Variants in PCDH7 observed in about 807,000 individuals in gnomAD.
PCDH7 encodes the protein protocadherin-7.
Under a neutral mutation model 58.9 loss-of-function variants are expected in PCDH7, and 17 were observed. That is an observed-to-expected ratio of 0.29 (90% CI 0.20 to 0.43). The LOEUF (loss-of-function observed/expected upper bound fraction) is 0.43. Among genes scored for constraint, PCDH7 ranks in the 20% least tolerant of loss-of-function variants. PCDH7 has a pLI of 1.00. For synonymous variants in PCDH7, 664 were observed against 616.4 expected, an observed-to-expected ratio of 1.08 and a Z score of -1.14; for missense variants, 1,274 against 1,441.0, an observed-to-expected ratio of 0.88 and a Z score of 1.88.
chr4:30,721,432 A>T lies in PCDH7; in HGVS notation c.10A>T (p.Met4Leu). The change falls in exon 1 of 2, where the codon ATG (methionine) becomes TTG (leucine). Residue 4 changes from methionine to leucine, a missense_variant. Coordinates refer to ENST00000361762, the Ensembl canonical transcript of PCDH7. The surrounding 1 kb of genome is among the most constrained non-coding windows in gnomAD (Gnocchi z 6.7). ...GCAGCAGCAGGAGAAGATGCTGAGG[A>T]TGCGGACCGCGGGATGGGCGCGCGG... is the stretch of plus-strand genomic sequence containing the variant. 2 of 1,516,436 alleles carry T rather than the reference A, an allele frequency of 1.3e-6. No individual in the cohort carries two copies. The highest frequency in any genetic ancestry group is 4.7e-5 in the East Asian group (2 of 42,422). The allele number at this position is 1,516,436 out of a possible 1,614,324, so 93.9% of individuals were successfully genotyped here. A position where few individuals can be genotyped will look rare whatever the true frequency, so the allele number is the denominator to read the frequency against.
At chr4:30,781,022 C>T (rs1044886116) in intron 1 of PCDH7, among the ~76,000 whole-genome samples, 1 of 151,988 alleles carries the variant, frequency 6.6e-6, no homozygotes, top group Non-Finnish European at 1.5e-5. Flanking sequence ...ATAGTTTTAC[C>T]ATTTCAAAAG....
intron 3 of PCDH7, among the ~76,000 whole-genome samples, chr4:31,114,133 C>A (rs892108131): frequency 6.6e-6 from 1 of 151,990 alleles, no homozygotes; most frequent in Non-Finnish European, 1.5e-5. Context: ...TGCAGCCGGC[C>A]TAAAATTTAA....
In PCDH7 at chr4:30,813,207, C is replaced by G. The variant is rs150668937; in HGVS notation, c.70+88611C>G. ...TATTGCAATCTATGTTTACTAAATA[C>G]GGAGATAGATCTATTAGCTTTTAAA... is the stretch of plus-strand genomic sequence containing the variant. On this transcript the variant is annotated intron_variant, in intron 1 of 3. Transcript: ENST00000509759. Among the ~76,000 whole-genome samples the G allele has an allele frequency of 1.1e-3, 172 of 152,270 alleles. 1 individual carries two copies. Among genetic ancestry groups the G allele is most frequent in the African/African-American group, 3.9e-3 (163 of 41,546 alleles).
intron 3 of PCDH7, among the ~76,000 whole-genome samples, chr4:31,120,210 C>G (rs927291262): frequency 6.6e-6 from 1 of 151,898 alleles, no homozygotes; most frequent in African/African-American, 2.4e-5. Context: ...TTTATTTTTT[C>G]CTTCCTGTTT....
At chr4:31,115,539 G>T (rs561413584) in intron 3 of PCDH7, among the ~76,000 whole-genome samples, 1 of 151,900 alleles carries the variant, frequency 6.6e-6, no homozygotes, top group Non-Finnish European at 1.5e-5. Context: ...AGTTTCTCAC[G>T]TATGTATATT....
Position 30,919,927 on chromosome 4 carries a change from T to TA in PCDH7, c.71-225dup, listed in dbSNP as rs1742966871. ...TGTTTTAGTGAAATTACTGTTTTTTTATCTCTGTTTCTGAAAGGGAATTTC... is the reference window on the plus strand; with the variant it reads ...TGTTTTAGTGAAATTACTGTTTTTTTAATCTCTGTTTCTGAAAGGGAATTTC... On this transcript the variant is annotated intron_variant, in intron 1 of 3. Transcript: ENST00000509759. Among the ~76,000 whole-genome samples, 5 of 152,196 alleles carry TA rather than the reference T, an allele frequency of 3.3e-5. No individual in the cohort carries two copies. The South Asian group carries it at 1.0e-3, about 31-fold the overall frequency.
intron 1 of PCDH7, among the ~76,000 whole-genome samples, chr4:30,785,027 A>G (rs577679903): frequency 6.6e-6 from 1 of 152,034 alleles, no homozygotes; most frequent in Non-Finnish European, 1.5e-5. Flanking sequence ...GCAACCAAAC[A>G]TGTACCAAAA....
intron 1 of PCDH7, among the ~76,000 whole-genome samples, chr4:30,894,910 G>A (rs948492581): frequency 9.9e-5 from 15 of 151,380 alleles, no homozygotes; most frequent in Non-Finnish European, 2.1e-4. Flanking sequence ...TGAGAAATAA[G>A]CAACATATGC....
intron 1 of PCDH7, among the ~76,000 whole-genome samples, chr4:30,840,554 TGTG>T (rs1731075343): frequency 6.6e-6 from 1 of 152,162 alleles, no homozygotes; most frequent in Admixed American, 6.6e-5. Context: ...TTATGATAGT[TGTG>T]GGGGTAGATA....
chr4:30,932,332 G>T (rs1215543636), intron 2 of PCDH7, among the ~76,000 whole-genome samples: 1 of 152,102 alleles, frequency 6.6e-6, no homozygotes, highest in Non-Finnish European at 1.5e-5. Context: ...TTCCAAATAT[G>T]TTGTATGCAA....
chr4:30,898,669 C>T (rs1739768251), intron 1 of PCDH7, among the ~76,000 whole-genome samples: 1 of 152,188 alleles, frequency 6.6e-6, no homozygotes, highest in Admixed American at 6.5e-5. Context: ...AAGCTCACTG[C>T]AAGCTCCACC....
At chr4:31,071,903 A>G (rs553760105) in intron 3 of PCDH7, among the ~76,000 whole-genome samples, 2 of 152,074 alleles carry the variant, frequency 1.3e-5, no homozygotes, top group Non-Finnish European at 2.9e-5. Flanking sequence ...GGTGGTGAGA[A>G]CACTATTTAG....
intron 2 of PCDH7, among the ~76,000 whole-genome samples, chr4:30,944,340 G>T (rs1311151801): frequency 6.6e-6 from 1 of 151,790 alleles, no homozygotes; most frequent in African/African-American, 2.4e-5. Context: ...ATTTTTGTCA[G>T]CATATAATGA....
chr4:30,872,963 T>G (rs1225080273), intron 1 of PCDH7, among the ~76,000 whole-genome samples: 1 of 152,122 alleles, frequency 6.6e-6, no homozygotes, highest in Non-Finnish European at 1.5e-5. Context: ...CTAGTCACAT[T>G]GACCATTATT....
intron 1 of PCDH7, among the ~76,000 whole-genome samples, chr4:30,889,790 A>G (rs553914956): frequency 3.9e-5 from 6 of 152,226 alleles, no homozygotes; most frequent in East Asian, 1.9e-4. Flanking sequence ...TCATCTCCCA[A>G]TGGTTCCATC....
At chr4:30,809,235 A>C (rs977056598) in intron 1 of PCDH7, among the ~76,000 whole-genome samples, 6 of 152,228 alleles carry the variant, frequency 3.9e-5, no homozygotes, top group African/African-American at 1.4e-4. Context: ...GAAAACTCAT[A>C]ATCAATCATC....
intron 3 of PCDH7, among the ~76,000 whole-genome samples, chr4:30,963,929 C>T (rs1461462430): frequency 6.6e-6 from 1 of 152,160 alleles, no homozygotes; most frequent in East Asian, 1.9e-4. Context: ...CATTCCGGGA[C>T]AATTTCTACA....
At chr4:30,870,502 C>A (rs937063738) in intron 1 of PCDH7, among the ~76,000 whole-genome samples, 6 of 152,068 alleles carry the variant, frequency 3.9e-5, no homozygotes, top group African/African-American at 1.4e-4. Context: ...TAGAATGTCT[C>A]ATTTGGAAAT....
chr4:30,993,115 G>A (rs2109126503), intron 3 of PCDH7, among the ~76,000 whole-genome samples: 1 of 152,140 alleles, frequency 6.6e-6, no homozygotes, highest in East Asian at 1.9e-4. Context: ...ATTCGTTTTT[G>A]ATAGACAACC....
Sources: gnomAD v4.1 joint callset for allele counts (sites outside exome capture counted in the v4.1 genomes callset) on GRCh38, gnomAD v4.1.1 for gene constraint, Gnocchi (gnomAD v3.1) non-coding constraint, MANE v1.5 for transcripts, NCBI Gene and HGNC (gene_info 2026-07-23, HGNC 2026-07-21) for gene names.